Variants in SERINC3 observed in about 807,000 individuals in gnomAD.
SERINC3 encodes serine incorporator 3, also known as tumor differentially expressed protein 1.
In SERINC3, 22 loss-of-function variants were observed where a neutral mutation model predicts 52.1. The observed-to-expected ratio is 0.42, with a 90% CI of 0.30 to 0.60. SERINC3 has a LOEUF of 0.60. SERINC3 is among the 20% of genes least tolerant of loss of function. The probability of loss-of-function intolerance (pLI) is 0.16; values close to 1 mark genes in which losing one functional copy is unlikely to be tolerated. For missense variants in SERINC3, 564 were observed against 584.6 expected (o/e 0.96, Z 0.36); for synonymous variants, 226 against 212.7 (o/e 1.06, Z -0.54).
chr20:44,514,213 C>T (rs901173203), intron 1 of SERINC3, 173 bp from the exon 2 acceptor site: 1 of 268,576 alleles, frequency 3.7e-6, no homozygotes. Context: ...TTATTTCTGC[C>T]GCTTTTTACC....
chr20:44,518,318 C>CAAAAAAAAAAAAAAAAAAAAAAAAAAA, intron 1 of SERINC3, among the ~76,000 whole-genome samples: 1 of 87,540 alleles, frequency 1.1e-5, no homozygotes, highest in Non-Finnish European at 2.3e-5. Context: ...AAATTAGCCT[C>CAAAAAAAAAAAAAAAAAAAAAAAAAAA]AAAAAAAAAA....
chr20:44,514,192 T>A, intron 1 of SERINC3, 152 bp from the exon 2 acceptor site: 1 of 754,234 alleles, frequency 1.3e-6, no homozygotes, highest in Non-Finnish European at 2.0e-6. Flanking sequence ...GTACGGGCTC[T>A]GGAGTAAATA....
Position 44,506,498 on chromosome 20 carries a change from C to T in SERINC3, c.783+329G>A, listed in dbSNP as rs529467663. 2.2e-4 allele frequency among the ~76,000 whole-genome samples: 32 copies of T among 142,734 alleles called. No homozygotes were observed. In the South Asian group the frequency reaches 6.5e-3, roughly 29 times the overall value. The allele number at this position is 142,734 out of a possible 152,430, so 93.6% of individuals were successfully genotyped here. A position where few individuals can be genotyped will look rare whatever the true frequency, so the allele number is the denominator to read the frequency against. On this transcript the variant is annotated intron_variant, in intron 6 of 9. Coordinates refer to ENST00000342374, the MANE Select transcript of SERINC3 (RefSeq NM_006811.4). ...CTACTCGGGAGGCTGAGGCAGAGAA[C>T]TGCTTGAACCCAGGAGGCAGAGGTT...
intron 1 of SERINC3, among the ~76,000 whole-genome samples, chr20:44,520,110 G>A (rs1304569396): frequency 6.6e-6 from 1 of 152,194 alleles, no homozygotes; most frequent in Non-Finnish European, 1.5e-5. Context: ...CTGCATAAAA[G>A]CTCAGAAGGA....
Position 44,522,038 on chromosome 20 carries a change from T to G in SERINC3, c.-87A>C, listed in dbSNP as rs1332477809. 12 of 1,365,656 alleles carry G rather than the reference T, an allele frequency of 8.8e-6. No individual in the cohort carries two copies. In the East Asian group the frequency reaches 1.3e-4, roughly 15 times the overall value. 84.6% of individuals were successfully genotyped at this position (1,365,656 alleles called of 1,614,324 possible). A position where few individuals can be genotyped will look rare whatever the true frequency, so the allele number is the denominator to read the frequency against. ...CAGCTGAGGTGACTCCCCAGAAACA[T>G]GACGGTTTCTCAGGCCGGAAACGCA... On this transcript the variant is annotated 5_prime_UTR_variant, in exon 1 of 10. The change abolishes an upstream ATG in the 5' untranslated region. Coordinates refer to ENST00000342374, the MANE Select transcript of SERINC3 (RefSeq NM_006811.4).
intron 1 of SERINC3, among the ~76,000 whole-genome samples, 162 bp downstream of exon 1, chr20:44,521,751 T>C (rs1461793156): frequency 6.6e-6 from 1 of 152,248 alleles, no homozygotes; most frequent in Non-Finnish European, 1.5e-5. Flanking sequence ...AAGCTGGACC[T>C]GAGGGTATCG....
At chr20:44,500,767 C>T (rs1393409924) in intron 9 of SERINC3, among the ~76,000 whole-genome samples, 2 of 152,082 alleles carry the variant, frequency 1.3e-5, no homozygotes, top group Non-Finnish European at 1.5e-5. Flanking sequence ...TACATTATTA[C>T]GGGAACCAGA....
At chr20:44,500,516 C>A in intron 9 of SERINC3, 82 bp from the exon 10 acceptor site, 1 of 1,492,110 alleles carries the variant, frequency 6.7e-7, no homozygotes, top group South Asian at 1.2e-5. Flanking sequence ...CAGCCAAGGC[C>A]AAGAAATTCT....
rs541435886 is a variant in SERINC3 at position 44,505,322 on chromosome 20, G to GT, written c.784-432dup. Reference sequence around the variant, plus strand: ...ATAACTCCATGAATTTTTTTAAACGGTTTTTTTTTCTTTTTTTTCTGAGAC... The same window carrying GT: ...ATAACTCCATGAATTTTTTTAAACGGTTTTTTTTTTCTTTTTTTTCTGAGAC... On this transcript the variant is annotated intron_variant, in intron 6 of 9. Coordinates refer to ENST00000342374, the MANE Select transcript of SERINC3 (RefSeq NM_006811.4). Among the ~76,000 whole-genome samples the GT allele has an allele frequency of 1.9e-3, 294 of 150,984 alleles. 2 individuals carry two copies. Among genetic ancestry groups the GT allele is most frequent in the African/African-American group, 6.7e-3 (275 of 41,150 alleles).
chr20:44,500,431 A>G lies in SERINC3; in HGVS notation c.1287T>C (p.Pro429=). Residue 429 remains proline, a synonymous_variant, in exon 10 of 10, where the codon CCT becomes CCC. Coordinates refer to ENST00000342374, the MANE Select transcript of SERINC3 (RefSeq NM_006811.4). ...TGGTCATGCTCTGAAACTTTGCATC[A>G]GGGCTAAGAAAACAAGAGAGAGTCA... ...IMMTLTSWYS[P]DAKFQSMTSK... The G allele has an allele frequency of 6.4e-7, 1 of 1,562,742 alleles. No individual in the cohort carries two copies. The highest frequency in any genetic ancestry group is 8.7e-7 in the Non-Finnish European group (1 of 1,152,596).
At chr20:44,517,676 C>G (rs745832358) in intron 1 of SERINC3, among the ~76,000 whole-genome samples, 10 of 151,998 alleles carry the variant, frequency 6.6e-5, no homozygotes, top group Non-Finnish European at 1.2e-4. Context: ...TCATCCCAGA[C>G]TTCCAGCCTC....
intron 1 of SERINC3, chr20:44,519,341 G>A (rs975590349): frequency 1.8e-5 from 14 of 763,258 alleles, no homozygotes; most frequent in African/African-American, 1.9e-5. Flanking sequence ...GGAGGCCGGC[G>A]GATCACGAGG....
rs776777608 is a variant in SERINC3 at position 44,511,385 on chromosome 20, A to T, written c.396-17T>A. 5.3e-5 allele frequency: 82 copies of T among 1,544,674 alleles called. No homozygotes were observed. In the African/African-American group the frequency reaches 8.7e-4, roughly 16 times the overall value. On this transcript the variant is annotated splice_polypyrimidine_tract_variant and intron_variant, in intron 3 of 9. Coordinates refer to ENST00000342374, the MANE Select transcript of SERINC3 (RefSeq NM_006811.4). ...AACCAAAACCTATTAAAATATAAAA[A>T]TGCATTTATGAAATGCTAAGTTTCA... is the stretch of plus-strand genomic sequence containing the variant.
rs901536906 is a variant in SERINC3 at position 44,522,029 on chromosome 20, C to T, written c.-78G>A. 1 of 1,424,552 alleles carries T rather than the reference C, an allele frequency of 7.0e-7. No homozygotes were observed. Among genetic ancestry groups the T allele is most frequent in the Non-Finnish European group, 9.7e-7 (1 of 1,033,618 alleles). 88.2% of individuals were successfully genotyped at this position (1,424,552 alleles called of 1,614,324 possible). ...GGTAACTGCCAGCTGAGGTGACTCCCCAGAAACATGACGGTTTCTCAGGCC... is the reference window on the plus strand; with the variant it reads ...GGTAACTGCCAGCTGAGGTGACTCCTCAGAAACATGACGGTTTCTCAGGCC... On this transcript the variant is annotated 5_prime_UTR_variant, in exon 1 of 10. Coordinates refer to ENST00000342374, the MANE Select transcript of SERINC3 (RefSeq NM_006811.4).
rs368653348 is a variant in SERINC3 at position 44,512,955 on chromosome 20, C to T, written c.241G>A (p.Ala81Thr). Reference protein sequence around the residue: ...FCEGGFKIHEADINADKDCDV... With the variant: ...FCEGGFKIHETDINADKDCDV... ...CAATCTTTATCTGCATTTATATCAGCCTCATGGATTTTAAATCCCCCTTCA... is the reference window on the plus strand; with the variant it reads ...CAATCTTTATCTGCATTTATATCAGTCTCATGGATTTTAAATCCCCCTTCA... Residue 81 changes from alanine to threonine, a missense_variant, in exon 3 of 10, where the codon GCT becomes ACT. Ala to Thr is a moderately conservative substitution (Grantham distance 58, BLOSUM62 0). Coordinates refer to ENST00000342374, the MANE Select transcript of SERINC3 (RefSeq NM_006811.4). The T allele has an allele frequency of 2.0e-6, 3 of 1,511,600 alleles. No homozygotes were observed. In the African/African-American group the frequency reaches 4.4e-5, roughly 22 times the overall value. The allele number at this position is 1,511,600 out of a possible 1,614,324, so 93.6% of individuals were successfully genotyped here. A position where few individuals can be genotyped will look rare whatever the true frequency, so the allele number is the denominator to read the frequency against.
Position 44,500,429 on chromosome 20 carries a change from T to G in SERINC3, c.1289A>C (p.Asp430Ala). 1 of 1,564,266 alleles carries G rather than the reference T, an allele frequency of 6.4e-7. No individual in the cohort carries two copies. The highest frequency in any genetic ancestry group is 8.7e-7 in the Non-Finnish European group (1 of 1,153,440). ...GCTGGTCATGCTCTGAAACTTTGCA[T>G]CAGGGCTAAGAAAACAAGAGAGAGT... Reference protein sequence around the residue: ...MMTLTSWYSPDAKFQSMTSKW... With the variant: ...MMTLTSWYSPAAKFQSMTSKW... The change falls in exon 10 of 10, where the codon GAT (aspartate) becomes GCT (alanine). Residue 430 changes from aspartate (D) to alanine (A), a missense_variant. Asp to Ala is a moderately radical substitution (Grantham distance 126). Transcript: ENST00000342374.
At position 44,507,053 on chromosome 20, in the gene SERINC3, G is replaced by T. The variant is rs2064319633; in HGVS notation, c.614-57C>A. 4.6e-6 allele frequency: 6 copies of T among 1,314,004 alleles called. No homozygotes were observed. In the South Asian group the frequency reaches 1.0e-4, roughly 23 times the overall value. 81.4% of individuals were successfully genotyped at this position (1,314,004 alleles called of 1,614,324 possible). A position where few individuals can be genotyped will look rare whatever the true frequency, so the allele number is the denominator to read the frequency against. On this transcript the variant is annotated intron_variant, in intron 5 of 9. Transcript: ENST00000342374. ...CAACTATAATAAACTAATAATGAAG[G>T]CCAATTTTCTTCCACTCCATATAAA...
intron 1 of SERINC3, chr20:44,519,378 G>A (rs778792271): frequency 1.2e-5 from 12 of 974,416 alleles, no homozygotes; most frequent in Admixed American, 6.2e-5. Context: ...ATCCTGGCGT[G>A]AGCCACCATG....
chr20:44,517,194 A>G (rs2064385947), intron 1 of SERINC3, among the ~76,000 whole-genome samples: 1 of 152,228 alleles, frequency 6.6e-6, no homozygotes, highest in Non-Finnish European at 1.5e-5. Flanking sequence ...TAAAGAACCT[A>G]GTATAATGCC....
Sources: allele counts gnomAD v4.1 joint callset (sites outside exome capture counted in the v4.1 genomes callset), GRCh38; gene constraint gnomAD v4.1.1; transcripts MANE v1.5; gene names NCBI Gene and HGNC (gene_info 2026-07-23, HGNC 2026-07-21).